Variants in NBEA observed in about 807,000 individuals in gnomAD.
NBEA encodes neurobeachin.
NBEA carries 44 observed loss-of-function variants against 343.4 expected under a neutral mutation model. The observed-to-expected ratio is 0.13, with a 90% CI of 0.10 to 0.16. The LOEUF is 0.16. NBEA is among the 10% of genes least tolerant of loss of function. The pLI, the probability that NBEA is intolerant of heterozygous loss-of-function variation, is 1.00. For missense variants in NBEA, 2,555 were observed against 3,631.3 expected (o/e 0.70, Z 7.62); for synonymous variants, 1,175 against 1,238.7 (o/e 0.95, Z 1.08).
At chr13:35,076,151 G>A (rs924784313) in intron 10 of NBEA, among the ~76,000 whole-genome samples, 1 of 151,592 alleles carries the variant, frequency 6.6e-6, no homozygotes, top group African/African-American at 2.4e-5. Context: ...ATTTGTATTA[G>A]GCTATAGTTT....
intron 12 of NBEA, among the ~76,000 whole-genome samples, chr13:35,109,678 ATACT>A (rs1400014834): frequency 3.9e-5 from 6 of 152,142 alleles, no homozygotes; most frequent in Non-Finnish European, 7.4e-5. Context: ...TTTAGATGTG[ATACT>A]TACTTTTCAA....
chr13:35,295,159 A>G (rs961828390), intron 35 of NBEA, among the ~76,000 whole-genome samples: 20 of 148,512 alleles, frequency 1.3e-4, no homozygotes, highest in Non-Finnish European at 2.4e-4. Context: ...TAAATATAAT[A>G]TTTATTTGTT....
chr13:35,284,906 AG>A (rs1333468255), intron 34 of NBEA, among the ~76,000 whole-genome samples: 6 of 152,086 alleles, frequency 3.9e-5, no homozygotes, highest in Non-Finnish European at 7.4e-5. Context: ...TAAGTATTAC[AG>A]GAGTCTAAAA....
At chr13:35,389,192 T>C (rs1051248210) in intron 38 of NBEA, among the ~76,000 whole-genome samples, 1 of 152,134 alleles carries the variant, frequency 6.6e-6, no homozygotes, top group Non-Finnish European at 1.5e-5. Context: ...TCATTCATAG[T>C]CATTTCCCGT....
At chr13:35,502,687 A>C (rs1024877486) in intron 41 of NBEA, among the ~76,000 whole-genome samples, 6 of 152,000 alleles carry the variant, frequency 3.9e-5, no homozygotes, top group African/African-American at 1.2e-4. Context: ...TGACAGTAGG[A>C]TCTATACAAC....
chr13:35,550,918 T>G lies in NBEA; in HGVS notation c.6704-12T>G. 1 of 1,548,298 alleles carries G rather than the reference T, an allele frequency of 6.5e-7. No homozygotes were observed. The highest frequency in any genetic ancestry group is 8.9e-7 in the Non-Finnish European group (1 of 1,127,638). The stretch of plus-strand genomic sequence containing the variant: ...GGTTTTCTAAACTCTGTTTTTTTTC[T>G]TCTTACCACAGCCTCAGTTATGTTT... On this transcript the variant is annotated splice_polypyrimidine_tract_variant and intron_variant, in intron 42 of 58. Transcript: ENST00000379939.
chr13:35,543,066 A>C (rs981956390), intron 41 of NBEA, among the ~76,000 whole-genome samples: 1 of 152,080 alleles, frequency 6.6e-6, no homozygotes, highest in Admixed American at 6.5e-5. Flanking sequence ...ATAACATTCT[A>C]AGTATTTAAA....
intron 24 of NBEA, among the ~76,000 whole-genome samples, chr13:35,167,840 A>G (rs1233550481): frequency 6.6e-6 from 1 of 151,864 alleles, no homozygotes; most frequent in African/African-American, 2.4e-5. Context: ...ACATGGATCA[A>G]CCACAAATTG....
Position 35,116,623 on chromosome 13 carries a change from A to G in NBEA, c.2003-791A>G, listed in dbSNP as rs1268421347. ...TTAAGTGAATAAGCAGATGCTATAC[A>G]TTATACATGAAGGGATTATGCTTTT... On this transcript the variant is annotated intron_variant, in intron 13 of 58. Coordinates refer to ENST00000379939, the MANE Select transcript of NBEA (RefSeq NM_001385012.1). Among the ~76,000 whole-genome samples the G allele has an allele frequency of 2.6e-5, 4 of 152,144 alleles. No homozygotes were observed. The East Asian group carries it at 7.7e-4, about 29-fold the overall frequency.
intron 35 of NBEA, among the ~76,000 whole-genome samples, chr13:35,306,175 T>C (rs1417190094): frequency 3.9e-5 from 6 of 152,128 alleles, no homozygotes; most frequent in Admixed American, 2.6e-4. Flanking sequence ...ATATAAACTT[T>C]TATTTTTTCC....
intron 1 of NBEA, among the ~76,000 whole-genome samples, chr13:34,984,501 T>C (rs1441322695): frequency 7.2e-6 from 1 of 138,782 alleles, no homozygotes; most frequent in Non-Finnish European, 1.7e-5. Flanking sequence ...TTGTTCTTTT[T>C]GCTTAGCATT....
At chr13:35,068,568 C>A (rs1412567020) in intron 8 of NBEA, among the ~76,000 whole-genome samples, 1 of 151,504 alleles carries the variant, frequency 6.6e-6, no homozygotes, top group Non-Finnish European at 1.5e-5. Flanking sequence ...CCTCCTCATT[C>A]AAAAAAAAGT....
At chr13:35,566,447 A>G (rs1397105248) in intron 44 of NBEA, among the ~76,000 whole-genome samples, 1 of 152,216 alleles carries the variant, frequency 6.6e-6, no homozygotes, top group African/African-American at 2.4e-5. Context: ...GACTTCCTCC[A>G]TAATTACTTT....
At chr13:35,484,440 C>A (rs1380868613) in intron 41 of NBEA, among the ~76,000 whole-genome samples, 2 of 151,752 alleles carry the variant, frequency 1.3e-5, no homozygotes, top group Non-Finnish European at 2.9e-5. Context: ...TTGTTTTTTA[C>A]TGGCAATTTC....
chr13:35,356,891 G>T (rs1178477730), intron 38 of NBEA, among the ~76,000 whole-genome samples: 2 of 152,020 alleles, frequency 1.3e-5, no homozygotes, highest in African/African-American at 4.8e-5. Flanking sequence ...CATTAGAGTG[G>T]ATTTCTCTGA....
intron 6 of NBEA, among the ~76,000 whole-genome samples, chr13:35,053,521 C>A (rs1226523969): frequency 6.6e-6 from 1 of 151,912 alleles, no homozygotes; most frequent in African/African-American, 2.4e-5. Flanking sequence ...TTTATTACTC[C>A]CAAATCTGTA....
At chr13:35,110,685 C>A in intron 12 of NBEA, 125 bp from the exon 13 acceptor site, 2 of 578,140 alleles carry the variant, frequency 3.5e-6, no homozygotes, top group South Asian at 1.2e-4. Flanking sequence ...TATTTTTAAC[C>A]TCATAATAAA....
Position 35,229,917 on chromosome 13 carries a change from A to G in NBEA, c.5649-2575A>G, listed in dbSNP as rs1163570674. 3.9e-5 allele frequency among the ~76,000 whole-genome samples: 6 copies of G among 152,274 alleles called. No homozygotes were observed. In the South Asian group the frequency reaches 8.3e-4, roughly 21 times the overall value. Reference sequence around the variant, plus strand: ...GCTTTCTTCACTATGAAAAATGAGGATGAAGTTTTTCCATTTAGAATATTT... The same window carrying G: ...GCTTTCTTCACTATGAAAAATGAGGGTGAAGTTTTTCCATTTAGAATATTT... On this transcript the variant is annotated intron_variant, in intron 33 of 58. Transcript: ENST00000379939.
At chr13:35,249,210 AATG>A (rs904241563) in intron 34 of NBEA, among the ~76,000 whole-genome samples, 1 of 152,000 alleles carries the variant, frequency 6.6e-6, no homozygotes, top group African/African-American at 2.4e-5. Context: ...TGGATTTGGC[AATG>A]ATTTCTTTCT....
Sources: allele counts gnomAD v4.1 joint callset (sites outside exome capture counted in the v4.1 genomes callset), GRCh38; gene constraint gnomAD v4.1.1; transcripts MANE v1.5; gene names NCBI Gene and HGNC (gene_info 2026-07-23, HGNC 2026-07-21).